ABCA4: variants seen among roughly 807,000 people sequenced by gnomAD.
The protein encoded by ABCA4 is retinal-specific phospholipid-transporting ATPase ABCA4.
In ABCA4, 196 loss-of-function variants were observed where a neutral mutation model predicts 263.7. That is an observed-to-expected ratio of 0.74 (90% confidence interval 0.66 to 0.84). The LOEUF is 0.84. ABCA4 is among the 40% of genes least tolerant of loss of function. The pLI, the probability that ABCA4 is intolerant of heterozygous loss-of-function variation, is 0.00. For missense variants in ABCA4, 2,792 were observed against 2,855.1 expected (o/e 0.98, Z 0.50); for synonymous variants, 1,133 against 1,094.2 (o/e 1.04, Z -0.70).
chr1:94,078,873 C>T (rs1253532711), intron 9 of ABCA4, among the ~76,000 whole-genome samples, 167 bp from the exon 10 acceptor site: 1 of 152,200 alleles, frequency 6.6e-6, no homozygotes, highest in Non-Finnish European at 1.5e-5. Flanking sequence ...AATTCACCAT[C>T]TCCCAACTTC....
intron 11 of ABCA4, among the ~76,000 whole-genome samples, chr1:94,072,133 G>A (rs1661417091): frequency 6.6e-6 from 1 of 152,162 alleles, no homozygotes; most frequent in Admixed American, 6.5e-5. Context: ...GAACATGCAA[G>A]GTTACAGAGA....
chr1:94,086,286 C>T (rs1277640266), intron 6 of ABCA4, among the ~76,000 whole-genome samples: 1 of 152,166 alleles, frequency 6.6e-6, no homozygotes, highest in Non-Finnish European at 1.5e-5. Flanking sequence ...ATTGCATTTT[C>T]TGTACACTCA....
chr1:94,084,801 A>C (rs1358766244), intron 6 of ABCA4, among the ~76,000 whole-genome samples: 1 of 152,156 alleles, frequency 6.6e-6, no homozygotes, highest in African/African-American at 2.4e-5. Context: ...CCTTCGAAAT[A>C]GCTTCAGTGG....
intron 38 of ABCA4, among the ~76,000 whole-genome samples, chr1:94,013,653 T>TC (rs201102079): frequency 2.0e-5 from 3 of 150,792 alleles, no homozygotes; most frequent in East Asian, 1.9e-4. Flanking sequence ...CTTCTTTTTT[T>TC]CCCCCTCTTT....
At chr1:94,041,914 G>A (rs1015205456) in intron 22 of ABCA4, among the ~76,000 whole-genome samples, 5 of 151,950 alleles carry the variant, frequency 3.3e-5, no homozygotes, top group Admixed American at 6.6e-5. Flanking sequence ...TGGCTAACAC[G>A]GTGAAACCCC....
chr1:94,018,596 T>C (rs908181235), intron 36 of ABCA4: 1 of 455,956 alleles, frequency 2.2e-6, no homozygotes, highest in Non-Finnish European at 4.4e-6. Flanking sequence ...AAACCATGGA[T>C]GAGAAGGTCA....
Position 94,041,216 on chromosome 1 carries a change from C to T in ABCA4, c.3515G>A (p.Gly1172Asp), listed in dbSNP as rs975090023. The T allele has an allele frequency of 6.2e-7, 1 of 1,614,146 alleles. No homozygotes were observed. The highest frequency in any genetic ancestry group is 8.5e-7 in the Non-Finnish European group (1 of 1,180,034). Residue 1172 changes from glycine to aspartate, a missense_variant, in exon 23 of 50, where the codon GGC becomes GAC. Physicochemically the swap from Gly to Asp is moderately conservative, Grantham distance 94 (BLOSUM62 -1). Coordinates refer to ENST00000370225, the MANE Select transcript of ABCA4 (RefSeq NM_000350.3). ...KMKNIQSQRKGSEGTCSCSSK... is the reference protein window; with the variant it reads ...KMKNIQSQRKDSEGTCSCSSK... ...CCCTGGGCAGACACCTACCTCACTG[C>T]CTTTCCTTTGGCTCTGGATGTTTTT...
chr1:94,025,194 C>A, intron 30 of ABCA4, 146 bp from the exon 31 acceptor site: 1 of 741,784 alleles, frequency 1.3e-6, no homozygotes, highest in South Asian at 1.5e-5. Context: ...CTCCCTAGTT[C>A]TCACTTCAAT....
At position 94,019,721 on chromosome 1, in the gene ABCA4, A is replaced by G. The variant is rs6681879; in HGVS notation, c.5057T>C (p.Val1686Ala). 2.5e-6 allele frequency: 4 copies of G among 1,613,508 alleles called. No individual in the cohort carries two copies. In the African/African-American group the frequency reaches 5.3e-5, roughly 22 times the overall value. ...TSVDAVVAIC[V>A]IFSMSFVPAS... ...TGGGACGAAGGACATGGAGAAAATC[A>G]CGCAGATGGCAACCACAGCATCCAC... The change falls in exon 36 of 50, where the codon GTG (valine) becomes GCG (alanine). Residue 1686 changes from valine to alanine, a missense_variant. Coordinates refer to ENST00000370225, the MANE Select transcript of ABCA4 (RefSeq NM_000350.3).
Position 94,048,975 on chromosome 1 carries a change from C to T in ABCA4, c.2654-18G>A, listed in dbSNP as rs1660764417. ...TGAACACCCTGCACCAATCAGAAGCCAGTGTTACTCTACCACCGGGAGCTG... is the reference window on the plus strand; with the variant it reads ...TGAACACCCTGCACCAATCAGAAGCTAGTGTTACTCTACCACCGGGAGCTG... On this transcript the variant is annotated intron_variant, in intron 17 of 49. Coordinates refer to ENST00000370225, the MANE Select transcript of ABCA4 (RefSeq NM_000350.3). 5.0e-6 allele frequency: 8 copies of T among 1,612,520 alleles called. No homozygotes were observed. The highest frequency in any genetic ancestry group is 5.1e-6 in the Non-Finnish European group (6 of 1,178,888).
chr1:94,058,154 C>T (rs951298320), intron 14 of ABCA4, among the ~76,000 whole-genome samples: 57 of 152,084 alleles, frequency 3.7e-4, no homozygotes, highest in South Asian at 1.0e-3. Flanking sequence ...CAAAGGGGAG[C>T]GGGGCACAGA....
At chr1:94,051,803 T>C in intron 16 of ABCA4, 105 bp from the exon 17 acceptor site, 2 of 839,358 alleles carry the variant, frequency 2.4e-6, no homozygotes, top group Non-Finnish European at 4.0e-6. Context: ...CCTCAAATTG[T>C]AACTATAGAT....
At chr1:94,115,623 C>T (rs1264346125) in intron 1 of ABCA4, among the ~76,000 whole-genome samples, 1 of 152,150 alleles carries the variant, frequency 6.6e-6, no homozygotes, top group African/African-American at 2.4e-5. Flanking sequence ...GATGTGATAC[C>T]AGGACCTACC....
At chr1:94,045,585 G>A (rs1298624562) in intron 19 of ABCA4, 1 of 373,930 alleles carries the variant, frequency 2.7e-6, no homozygotes, top group East Asian at 7.3e-5. Flanking sequence ...AGTTAGCATG[G>A]AGAGAAAGCA....
chr1:94,098,811 A>G lies in ABCA4; in HGVS notation c.751T>C (p.Phe251Leu), dbSNP rs146365399. Reference protein sequence around the residue: ...EDTLYANVDFFKLFRVLPTLL... With the variant: ...EDTLYANVDFLKLFRVLPTLL... ...TCCCTTACCACACGGAAGAGCTTGA[A>G]GAAGTCCACGTTGGCATACAGAGTG... is the stretch of plus-strand genomic sequence containing the variant. The change falls in exon 6 of 50, where the codon TTC becomes CTC. Residue 251 changes from phenylalanine (F) to leucine (L), a missense_variant. Coordinates refer to ENST00000370225, the MANE Select transcript of ABCA4 (RefSeq NM_000350.3). The G allele has an allele frequency of 1.3e-5, 21 of 1,614,048 alleles. No individual in the cohort carries two copies. The African/African-American group carries it at 1.5e-4, about 11-fold the overall frequency.
intron 40 of ABCA4, 52 bp from the exon 41 acceptor site, chr1:94,008,923 A>G (rs561350706): frequency 3.1e-6 from 5 of 1,602,908 alleles, no homozygotes; most frequent in African/African-American, 1.3e-5. Flanking sequence ...TGTCCTTGGC[A>G]CTGTCCTTTC....
chr1:94,041,863 A>G (rs1307276106), intron 22 of ABCA4, among the ~76,000 whole-genome samples: 2 of 152,212 alleles, frequency 1.3e-5, no homozygotes, highest in African/African-American at 4.8e-5. Flanking sequence ...TGGGAGGACA[A>G]GGCGGGAGGA....
intron 38 of ABCA4, among the ~76,000 whole-genome samples, chr1:94,012,093 C>T (rs11165063): frequency 1.3e-5 from 2 of 152,070 alleles, no homozygotes; most frequent in African/African-American, 4.8e-5. Context: ...GACATCGAGG[C>T]GTACGAGGCC....
At chr1:94,047,295 C>G (rs1359323339) in intron 18 of ABCA4, among the ~76,000 whole-genome samples, 1 of 152,240 alleles carries the variant, frequency 6.6e-6, no homozygotes, top group Non-Finnish European at 1.5e-5. Context: ...ATGCCAGGCA[C>G]TGCTTCGACT....
Sources: gnomAD v4.1 joint callset for allele counts (sites outside exome capture counted in the v4.1 genomes callset) on GRCh38, gnomAD v4.1.1 for gene constraint, MANE v1.5 for transcripts, NCBI Gene and HGNC (gene_info 2026-07-23, HGNC 2026-07-21) for gene names.